The following SDK1 variants were observed in gnomAD, a reference collection of about 807,000 sequenced individuals.
The protein encoded by SDK1 is protein sidekick-1.
Under a neutral mutation model 245.5 loss-of-function variants are expected in SDK1, and 157 were observed. That is an observed-to-expected ratio of 0.64 (90% confidence interval 0.56 to 0.73). The LOEUF (loss-of-function observed/expected upper bound fraction) is 0.73. SDK1 is among the 30% of genes least tolerant of loss of function. The pLI is 0.00. For missense variants in SDK1, 3,583 were observed against 3,002.3 expected (o/e 1.19, Z -4.52); for synonymous variants, 1,647 against 1,278.5 (o/e 1.29, Z -6.15).
intron 21 of SDK1, among the ~76,000 whole-genome samples, chr7:4,079,057 A>G (rs971143282): frequency 1.3e-5 from 2 of 152,176 alleles, no homozygotes; most frequent in Non-Finnish European, 2.9e-5. Context: ...AGGCCGCGGT[A>G]ATTATGAAAG....
chr7:3,379,612 G>C (rs1446629280), intron 1 of SDK1, among the ~76,000 whole-genome samples: 3 of 152,116 alleles, frequency 2.0e-5, no homozygotes, highest in South Asian at 4.1e-4. Context: ...TGTTTAATGG[G>C]ATTTGGGAGG....
chr7:4,070,278 C>A (rs1780165158), intron 20 of SDK1, among the ~76,000 whole-genome samples: 1 of 152,228 alleles, frequency 6.6e-6, no homozygotes, highest in African/African-American at 2.4e-5. Flanking sequence ...GGTCCCTCGT[C>A]ACCCTCATTT....
intron 13 of SDK1, among the ~76,000 whole-genome samples, chr7:3,982,887 A>G (rs1783524324): frequency 6.6e-6 from 1 of 152,136 alleles, no homozygotes; most frequent in Non-Finnish European, 1.5e-5. Flanking sequence ...AGATCACAAT[A>G]TCAATATTAA....
At chr7:3,939,327 A>G (rs1780272976) in intron 5 of SDK1, among the ~76,000 whole-genome samples, 1 of 152,238 alleles carries the variant, frequency 6.6e-6, no homozygotes, top group Admixed American at 6.5e-5. Flanking sequence ...AAAAGAATAG[A>G]AAATGTCTTC....
chr7:3,603,323 G>A (rs939163873), intron 1 of SDK1, among the ~76,000 whole-genome samples: 28 of 149,786 alleles, frequency 1.9e-4, no homozygotes, highest in Admixed American at 2.7e-4. Context: ...AGCATGGAAT[G>A]TTCTTCCATT....
At chr7:3,619,470 G>A (rs1369152248) in intron 2 of SDK1, among the ~76,000 whole-genome samples, 1 of 152,200 alleles carries the variant, frequency 6.6e-6, no homozygotes, top group Non-Finnish European at 1.5e-5. Flanking sequence ...AAGCCCATTA[G>A]TGAAATTATC....
intron 5 of SDK1, among the ~76,000 whole-genome samples, chr7:3,940,072 C>T (rs530566532): frequency 6.6e-6 from 1 of 152,088 alleles, no homozygotes; most frequent in African/African-American, 2.4e-5. Flanking sequence ...CCGGAGCCAC[C>T]CTGGCTGCAG....
intron 1 of SDK1, among the ~76,000 whole-genome samples, chr7:3,364,982 T>C (rs1781051133): frequency 6.6e-6 from 1 of 152,230 alleles, no homozygotes; most frequent in African/African-American, 2.4e-5. Context: ...CTGTACATGT[T>C]TCGGTAGCTT....
At chr7:4,161,294 G>C (rs1003772540) in intron 31 of SDK1, among the ~76,000 whole-genome samples, 1 of 152,150 alleles carries the variant, frequency 6.6e-6, no homozygotes, top group Non-Finnish European at 1.5e-5. Context: ...TGCTGTCCCA[G>C]CCAGCTGCAA....
intron 4 of SDK1, among the ~76,000 whole-genome samples, chr7:3,675,688 C>T (rs914074818): frequency 3.9e-5 from 6 of 152,150 alleles, no homozygotes; most frequent in African/African-American, 1.4e-4. Flanking sequence ...ATCCACTTAC[C>T]TCAGCCACTA....
chr7:3,754,025 C>G (rs979259947), intron 4 of SDK1, among the ~76,000 whole-genome samples: 2 of 152,162 alleles, frequency 1.3e-5, no homozygotes, highest in African/African-American at 2.4e-5. Context: ...TTCAGGACTT[C>G]TGCCCAAACC....
At chr7:4,236,845 G>A (rs1335750714) in intron 41 of SDK1, among the ~76,000 whole-genome samples, 2 of 152,122 alleles carry the variant, frequency 1.3e-5, no homozygotes, top group Non-Finnish European at 1.5e-5. Flanking sequence ...CACCAGGAGA[G>A]AGAAGGACGT....
At chr7:3,498,393 C>T (rs56179439) in intron 1 of SDK1, among the ~76,000 whole-genome samples, 4,839 of 152,228 alleles carry the variant, frequency 0.032, 131 homozygotes, top group African/African-American at 0.058. Context: ...AGCTCATTAC[C>T]TGACCTTTTA....
At chr7:3,572,578 T>C (rs1265734995) in intron 1 of SDK1, among the ~76,000 whole-genome samples, 1 of 152,038 alleles carries the variant, frequency 6.6e-6, no homozygotes, top group East Asian at 1.9e-4. Flanking sequence ...TCTCACTGTG[T>C]GTGAGCCCAA....
intron 1 of SDK1, among the ~76,000 whole-genome samples, chr7:3,471,733 C>T (rs1781189835): frequency 6.6e-6 from 1 of 152,134 alleles, no homozygotes; most frequent in South Asian, 2.1e-4. Context: ...TACTGCTTTT[C>T]TTAGCCAAGA....
intron 1 of SDK1, among the ~76,000 whole-genome samples, chr7:3,303,609 A>G (rs940102530): frequency 1.3e-5 from 2 of 152,222 alleles, no homozygotes; most frequent in African/African-American, 2.4e-5. Flanking sequence ...GGCAGTAAAA[A>G]CATTGGTACC....
At chr7:3,620,547 C>T (rs1047949438) in intron 2 of SDK1, among the ~76,000 whole-genome samples, 3 of 152,278 alleles carry the variant, frequency 2.0e-5, no homozygotes, top group South Asian at 2.1e-4. Context: ...AGGTGATCTG[C>T]CTGCCTTGGC....
intron 1 of SDK1, among the ~76,000 whole-genome samples, chr7:3,426,075 C>T (rs1301119679): frequency 6.6e-6 from 1 of 152,178 alleles, no homozygotes; most frequent in Non-Finnish European, 1.5e-5. Context: ...TCTTTATCTT[C>T]CCCTTGTTCC....
Position 4,160,200 on chromosome 7 carries a change from G to A in SDK1, c.4730-1586G>A, listed in dbSNP as rs1010510090. On this transcript the variant is annotated intron_variant, in intron 31 of 44. Transcript: ENST00000404826. ...ACTATATAAATGCATTCATTTTAACGTTACCTTTAACACAGTTGAGGTAAT... is the reference window on the plus strand; with the variant it reads ...ACTATATAAATGCATTCATTTTAACATTACCTTTAACACAGTTGAGGTAAT... Among the ~76,000 whole-genome samples, 6 of 152,230 alleles carry A rather than the reference G, an allele frequency of 3.9e-5. No homozygotes were observed. In the South Asian group the frequency reaches 6.2e-4, roughly 16 times the overall value.
Sources: gnomAD v4.1 joint callset for allele counts (sites outside exome capture counted in the v4.1 genomes callset) on GRCh38, gnomAD v4.1.1 for gene constraint, MANE v1.5 for transcripts, NCBI Gene and HGNC (gene_info 2026-07-23, HGNC 2026-07-21) for gene names.